The following RAB2A variants were observed in gnomAD, a reference collection of about 807,000 sequenced individuals.
RAB2A encodes the protein ras-related protein Rab-2A.
Under a neutral mutation model 32.5 loss-of-function variants are expected in RAB2A, and 7 were observed. The observed-to-expected ratio is 0.22, with a 90% CI of 0.12 to 0.40. The LOEUF (loss-of-function observed/expected upper bound fraction) is 0.40, where lower values mean the gene tolerates loss of function less well. RAB2A is among the 10% of genes least tolerant of loss of function. The probability of loss-of-function intolerance (pLI) is 1.00; values close to 1 mark genes in which losing one functional copy is unlikely to be tolerated. For missense variants in RAB2A, 108 were observed against 260.7 expected (o/e 0.41, Z 4.03); for synonymous variants, 79 against 85.2 (o/e 0.93, Z 0.40).
chr8:60,559,451 G>A (rs1807988585), intron 2 of RAB2A, among the ~76,000 whole-genome samples: 1 of 152,098 alleles, frequency 6.6e-6, no homozygotes, highest in Non-Finnish European at 1.5e-5. Context: ...AATACCACTG[G>A]GCATTTTGTA....
At chr8:60,569,138 C>T (rs1227036842) in intron 2 of RAB2A, among the ~76,000 whole-genome samples, 2 of 152,094 alleles carry the variant, frequency 1.3e-5, no homozygotes, top group Non-Finnish European at 2.9e-5. Context: ...TGTTTGTTTT[C>T]GCTTTGATAG....
chr8:60,584,695 T>C lies in RAB2A; in HGVS notation c.270-28T>C, dbSNP rs781336753. 2.6e-6 allele frequency: 4 copies of C among 1,536,746 alleles called. No individual in the cohort carries two copies. In the African/African-American group the frequency reaches 5.5e-5, roughly 21 times the overall value. On this transcript the variant is annotated intron_variant, in intron 4 of 7. Coordinates refer to ENST00000262646, the MANE Select transcript of RAB2A (RefSeq NM_002865.3). ...TATACTGAGGGAAATGCTTTGAACATAGTAATTAAATTATTATTTATGTTT... is the reference window on the plus strand; with the variant it reads ...TATACTGAGGGAAATGCTTTGAACACAGTAATTAAATTATTATTTATGTTT...
chr8:60,533,544 A>G (rs150858527), intron 1 of RAB2A, among the ~76,000 whole-genome samples: 1 of 152,244 alleles, frequency 6.6e-6, no homozygotes, highest in South Asian at 2.1e-4. Flanking sequence ...TAAAATGGAA[A>G]GAGCTTGTTC....
intron 1 of RAB2A, among the ~76,000 whole-genome samples, chr8:60,517,698 C>T (rs1807230689): frequency 6.6e-6 from 1 of 152,154 alleles, no homozygotes; most frequent in South Asian, 2.1e-4. Flanking sequence ...TCCAACCTTC[C>T]TCCACCAGCA....
At chr8:60,578,179 A>G (rs1178600505) in intron 3 of RAB2A, among the ~76,000 whole-genome samples, 1 of 152,206 alleles carries the variant, frequency 6.6e-6, no homozygotes, top group Non-Finnish European at 1.5e-5. Context: ...TTTGGGATCA[A>G]TCCAGGTAAC....
intron 6 of RAB2A, among the ~76,000 whole-genome samples, chr8:60,617,457 G>A (rs58976668): frequency 6.6e-6 from 1 of 152,126 alleles, no homozygotes; most frequent in Non-Finnish European, 1.5e-5. Flanking sequence ...GGATTATGCA[G>A]TTTACATAAT....
chr8:60,524,837 C>CCTTT (rs1248709808), intron 1 of RAB2A, among the ~76,000 whole-genome samples: 2 of 152,120 alleles, frequency 1.3e-5, no homozygotes, highest in African/African-American at 4.8e-5. Context: ...ATTGATTCTT[C>CCTTT]TTTTTCTGCT....
chr8:60,601,939 G>A (rs571490530), intron 6 of RAB2A, among the ~76,000 whole-genome samples: 5 of 152,232 alleles, frequency 3.3e-5, no homozygotes, highest in African/African-American at 1.2e-4. Context: ...CCAGGCTGGG[G>A]TACTGTGGTT....
intron 1 of RAB2A, among the ~76,000 whole-genome samples, chr8:60,534,891 A>G (rs545892496): frequency 6.6e-6 from 1 of 151,004 alleles, no homozygotes; most frequent in Admixed American, 6.6e-5. Flanking sequence ...TTTGTACAAT[A>G]ATAAGCCTCA....
At chr8:60,547,323 G>A (rs1466991095) in intron 1 of RAB2A, among the ~76,000 whole-genome samples, 2 of 152,194 alleles carry the variant, frequency 1.3e-5, no homozygotes, top group Non-Finnish European at 2.9e-5. Context: ...GCAACCATCC[G>A]ATTTCTCAAT....
chr8:60,550,882 A>G (rs1432883444), intron 1 of RAB2A, among the ~76,000 whole-genome samples: 1 of 152,154 alleles, frequency 6.6e-6, no homozygotes, highest in Non-Finnish European at 1.5e-5. Flanking sequence ...CCTAGTTCCT[A>G]GGGGCATGAC....
intron 5 of RAB2A, among the ~76,000 whole-genome samples, chr8:60,589,436 A>G (rs915882643): frequency 3.3e-5 from 5 of 152,242 alleles, no homozygotes; most frequent in African/African-American, 1.2e-4. Context: ...CAATTTTTGA[A>G]TTAGACGCAT....
intron 3 of RAB2A, among the ~76,000 whole-genome samples, chr8:60,581,982 G>T (rs1297073067): frequency 1.4e-5 from 2 of 139,094 alleles, no homozygotes; most frequent in African/African-American, 5.6e-5. Flanking sequence ...GGCCTCATCT[G>T]TTGCCCAGGC....
intron 1 of RAB2A, among the ~76,000 whole-genome samples, chr8:60,556,201 A>G (rs905964752): frequency 1.3e-5 from 2 of 152,186 alleles, no homozygotes; most frequent in Non-Finnish European, 2.9e-5. Flanking sequence ...TGTGGGTATT[A>G]GAGGCCGGGA....
intron 6 of RAB2A, among the ~76,000 whole-genome samples, chr8:60,611,245 T>C (rs1285051791): frequency 6.6e-6 from 1 of 152,208 alleles, no homozygotes; most frequent in Non-Finnish European, 1.5e-5. Flanking sequence ...GTCCCTCCCC[T>C]GCTTCCTACC....
At chr8:60,611,638 T>G (rs919432262) in intron 6 of RAB2A, among the ~76,000 whole-genome samples, 2 of 152,188 alleles carry the variant, frequency 1.3e-5, no homozygotes, top group African/African-American at 4.8e-5. Context: ...AAGAACTAAA[T>G]TGCTAAGGAA....
chr8:60,554,785 G>A (rs1416853799), intron 1 of RAB2A, among the ~76,000 whole-genome samples: 1 of 152,106 alleles, frequency 6.6e-6, no homozygotes, highest in African/African-American at 2.4e-5. Flanking sequence ...CCCGGAAGGC[G>A]GAGGTTGCAG....
intron 1 of RAB2A, among the ~76,000 whole-genome samples, chr8:60,528,219 C>T (rs1315032236): frequency 6.6e-6 from 1 of 152,206 alleles, no homozygotes; most frequent in African/African-American, 2.4e-5. Flanking sequence ...AGTACTTTCT[C>T]TGCTATTTAC....
chr8:60,580,026 T>C (rs1423763884), intron 3 of RAB2A, among the ~76,000 whole-genome samples: 1 of 149,012 alleles, frequency 6.7e-6, no homozygotes, highest in African/African-American at 2.5e-5. Flanking sequence ...TGAGACAGTC[T>C]CACTCTGTTG....
Sources: gnomAD v4.1 joint callset for allele counts (sites outside exome capture counted in the v4.1 genomes callset) on GRCh38, gnomAD v4.1.1 for gene constraint, MANE v1.5 for transcripts, NCBI Gene and HGNC (gene_info 2026-07-23, HGNC 2026-07-21) for gene names.